The following FGGY variants were observed in gnomAD, a reference collection of about 807,000 sequenced individuals.
The protein encoded by FGGY is FGGY carbohydrate kinase domain-containing protein.
Under a neutral mutation model 71.3 loss-of-function variants are expected in FGGY, and 72 were observed. The observed-to-expected ratio is 1.01, with a 90% confidence interval of 0.84 to 1.23. FGGY has a LOEUF of 1.23. FGGY is among the 50% of genes most tolerant of loss of function. The probability of loss-of-function intolerance (pLI) is 0.00; values close to 1 mark genes in which losing one functional copy is unlikely to be tolerated. For missense variants in FGGY, 668 were observed against 682.3 expected (o/e 0.98, Z 0.23); for synonymous variants, 251 against 250.3 (o/e 1.00, Z -0.02).
intron 5 of FGGY, among the ~76,000 whole-genome samples, chr1:59,404,500 G>T (rs2062447659): frequency 6.6e-6 from 1 of 152,164 alleles, no homozygotes; most frequent in Non-Finnish European, 1.5e-5. Flanking sequence ...AGTGCTGGGG[G>T]TCACTAATTA....
intron 5 of FGGY, among the ~76,000 whole-genome samples, chr1:59,400,597 T>G (rs752433330): frequency 6.6e-6 from 1 of 151,840 alleles, no homozygotes; most frequent in Non-Finnish European, 1.5e-5. Flanking sequence ...CAGGATGATT[T>G]GTCATTAGTG....
intron 5 of FGGY, among the ~76,000 whole-genome samples, chr1:59,429,701 TAC>T (rs762975316): frequency 6.6e-6 from 1 of 152,242 alleles, no homozygotes; most frequent in Non-Finnish European, 1.5e-5. Flanking sequence ...TATGCATGTA[TAC>T]ACACACACAG....
chr1:59,437,664 T>C (rs2068776686), intron 5 of FGGY, among the ~76,000 whole-genome samples: 1 of 152,252 alleles, frequency 6.6e-6, no homozygotes. Flanking sequence ...TATGTGCACA[T>C]ATCAGTGATT....
intron 9 of FGGY, among the ~76,000 whole-genome samples, chr1:59,616,947 G>T (rs187027928): frequency 7.9e-5 from 12 of 152,172 alleles, no homozygotes; most frequent in Admixed American, 6.5e-4. Context: ...ACCAGTGATG[G>T]CCTTTTAATA....
chr1:59,718,424 C>T (rs1282131858), intron 14 of FGGY, among the ~76,000 whole-genome samples: 1 of 152,180 alleles, frequency 6.6e-6, no homozygotes, highest in African/African-American at 2.4e-5. Context: ...GTGACTCCCT[C>T]CAGGAGAGCC....
intron 4 of FGGY, among the ~76,000 whole-genome samples, chr1:59,363,570 C>G (rs116780013): frequency 0.022 from 3,363 of 152,282 alleles, 141 homozygotes; most frequent in African/African-American, 0.077. Context: ...CCAGGATATT[C>G]ACTCTTGCAT....
intron 11 of FGGY, among the ~76,000 whole-genome samples, chr1:59,652,848 G>T (rs890623370): frequency 6.6e-6 from 1 of 152,188 alleles, no homozygotes; most frequent in Non-Finnish European, 1.5e-5. Flanking sequence ...AGATTTTCCA[G>T]TTTTTCTGTT....
At chr1:59,454,240 A>G (rs1225656528) in intron 5 of FGGY, among the ~76,000 whole-genome samples, 7 of 152,190 alleles carry the variant, frequency 4.6e-5, no homozygotes, top group Non-Finnish European at 7.3e-5. Flanking sequence ...ACCCTGTGTG[A>G]TTGGATCATT....
At chr1:59,378,401 G>T (rs1405214607) in intron 4 of FGGY, among the ~76,000 whole-genome samples, 2 of 151,842 alleles carry the variant, frequency 1.3e-5, no homozygotes, top group African/African-American at 4.8e-5. Context: ...CCCCAGCCAC[G>T]CGAAACTGTG....
intron 11 of FGGY, among the ~76,000 whole-genome samples, chr1:59,651,001 G>A (rs941530112): frequency 6.6e-6 from 1 of 151,320 alleles, no homozygotes; most frequent in Non-Finnish European, 1.5e-5. Context: ...CCTTCATTTC[G>A]TTATGTACCC....
At position 59,660,225 on chromosome 1, in the gene FGGY, G is replaced by A. The variant is rs1284014172; in HGVS notation, c.1228G>A (p.Gly410Arg). 7.4e-6 allele frequency: 12 copies of A among 1,613,198 alleles called. No individual in the cohort carries two copies. Among genetic ancestry groups the A allele is most frequent in the African/African-American group, 4.0e-5 (3 of 74,882 alleles). The change falls in exon 12 of 16, where the codon GGA (glycine) becomes AGA (arginine). Residue 410 changes from glycine to arginine, a missense_variant. Physicochemically the swap from Gly to Arg is moderately radical, Grantham distance 125. Transcript: ENST00000303721. ...ADLTLKGMVT[G>R]LKLSQDLDDL... is the part of the protein sequence containing the mutation. ...CTTCCCTTCATGCCTGCAGGTCACCGGATTGAAACTGTCTCAGGACCTTGA... is the reference window on the plus strand; with the variant it reads ...CTTCCCTTCATGCCTGCAGGTCACCAGATTGAAACTGTCTCAGGACCTTGA...
chr1:59,381,281 T>G (rs2059402776), intron 5 of FGGY, among the ~76,000 whole-genome samples: 1 of 152,220 alleles, frequency 6.6e-6, no homozygotes, highest in Admixed American at 6.5e-5. Context: ...GTGGGCTCGT[T>G]TTCGGTTCCA....
chr1:59,637,738 G>A (rs901607310), intron 10 of FGGY, among the ~76,000 whole-genome samples: 8 of 152,076 alleles, frequency 5.3e-5, no homozygotes, highest in Admixed American at 5.2e-4. Context: ...CTGAGTCTGG[G>A]AACTTATAAT....
At chr1:59,356,435 C>T (rs916624390) in intron 4 of FGGY, among the ~76,000 whole-genome samples, 56 of 152,158 alleles carry the variant, frequency 3.7e-4, no homozygotes, top group African/African-American at 1.3e-3. Flanking sequence ...CCAGCCTTCA[C>T]TGCCTCCAGG....
intron 8 of FGGY, among the ~76,000 whole-genome samples, chr1:59,602,066 C>T (rs968483119): frequency 1.3e-5 from 2 of 152,184 alleles, no homozygotes; most frequent in Non-Finnish European, 2.9e-5. Flanking sequence ...GATTGACCAG[C>T]TGGGCTAGAA....
chr1:59,699,454 C>T, intron 14 of FGGY: 5 of 951,502 alleles, frequency 5.3e-6, no homozygotes, highest in Non-Finnish European at 5.0e-6. Context: ...GAGAACATTG[C>T]ATGGGCTGCT....
rs529672454 is a variant in FGGY at position 59,304,678 on chromosome 1, A to G, written c.-15+7528A>G. ...TGAGTAGTATGGTTATTTTAGCAATATTATTTCTACCAGTCTGTGAACATG... is the reference window on the plus strand; with the variant it reads ...TGAGTAGTATGGTTATTTTAGCAATGTTATTTCTACCAGTCTGTGAACATG... On this transcript the variant is annotated intron_variant, in intron 1 of 15. Transcript: ENST00000303721. Among the ~76,000 whole-genome samples, 12 of 151,952 alleles carry G rather than the reference A, an allele frequency of 7.9e-5. No individual in the cohort carries two copies. The South Asian group carries it at 2.1e-3, about 26-fold the overall frequency.
At chr1:59,593,306 G>T (rs1424313231) in intron 8 of FGGY, among the ~76,000 whole-genome samples, 2 of 152,214 alleles carry the variant, frequency 1.3e-5, no homozygotes, top group Admixed American at 6.5e-5. Context: ...TATAAATGGG[G>T]ATCATCTTCC....
rs1382499561 is a variant in FGGY at position 59,340,040 on chromosome 1, A to G, written c.284A>G (p.Gln95Arg). 5.0e-6 allele frequency: 8 copies of G among 1,612,972 alleles called. No individual in the cohort carries two copies. The highest frequency in any genetic ancestry group is 6.8e-6 in the Non-Finnish European group (8 of 1,179,432). ...ATCSLVVLDK[Q>R]FHPLPVNQEG... is the part of the protein sequence containing the mutation. ...TGTTCTCTGGTTGTTTTGGATAAGC[A>G]GTTTCACCCATTACCAGTCAACCAG... is the stretch of plus-strand genomic sequence containing the variant. Residue 95 changes from glutamine (Q) to arginine (R), a missense_variant, in exon 3 of 16, where the codon CAG (glutamine) becomes CGG (arginine). By Grantham distance (43) the Gln-to-Arg change is conservative. This residue lies in a region of FGGY where 661 missense variants were observed against 661.6 expected (regional missense o/e 1.00). Transcript: ENST00000303721.
Sources: allele counts gnomAD v4.1 joint callset (sites outside exome capture counted in the v4.1 genomes callset), GRCh38; gene constraint gnomAD v4.1.1; regional missense constraint gnomAD v4.1.1; transcripts MANE v1.5; gene names NCBI Gene and HGNC (gene_info 2026-07-23, HGNC 2026-07-21).